Variants in SLX4IP observed in about 807,000 individuals in gnomAD.
SLX4IP encodes the protein protein SLX4IP.
A neutral mutation model predicts 32.9 loss-of-function variants in SLX4IP; 34 were observed. The ratio of observed to expected loss-of-function variants is 1.03; its 90% CI spans 0.79 to 1.38. SLX4IP has a LOEUF of 1.38. Among genes scored for constraint, SLX4IP ranks in the 40% most tolerant of loss-of-function variants. SLX4IP has a pLI of 0.00. For synonymous variants in SLX4IP, 172 were observed against 171.7 expected (o/e 1.00, Z -0.01); for missense variants, 444 against 479.0 (o/e 0.93, Z 0.68).
intron 2 of SLX4IP, among the ~76,000 whole-genome samples, chr20:10,535,186 A>G (rs1485716574): frequency 1.3e-5 from 2 of 152,250 alleles, no homozygotes; most frequent in Non-Finnish European, 2.9e-5. Context: ...GCCTGGAGGC[A>G]TGGAAGGGGT....
intron 4 of SLX4IP, among the ~76,000 whole-genome samples, chr20:10,597,650 C>A (rs1036233172): frequency 6.6e-6 from 1 of 152,122 alleles, no homozygotes; most frequent in Non-Finnish European, 1.5e-5. Flanking sequence ...TGACTATATC[C>A]CCATTAAAAA....
chr20:10,620,959 C>G (rs908319511), intron 6 of SLX4IP, among the ~76,000 whole-genome samples: 9 of 152,316 alleles, frequency 5.9e-5, no homozygotes, highest in Admixed American at 3.3e-4. Context: ...GAACAGAGCT[C>G]ACAGGCACGT....
At chr20:10,464,339 A>G (rs1200564388) in intron 2 of SLX4IP, among the ~76,000 whole-genome samples, 1 of 152,050 alleles carries the variant, frequency 6.6e-6, no homozygotes, top group Non-Finnish European at 1.5e-5. Context: ...TCACTTTGAT[A>G]TGTCGTTTTA....
chr20:10,619,293 T>C lies in SLX4IP; in HGVS notation c.406-2021T>C, dbSNP rs1371530854. ...AGGACATTTCCTCCTGTCACTCTTA[T>C]CACCTTTTCTGTTGTCCTTTTTCTT... On this transcript the variant is annotated intron_variant, in intron 6 of 7. Coordinates refer to ENST00000334534, the MANE Select transcript of SLX4IP (RefSeq NM_001009608.3). Among the ~76,000 whole-genome samples the C allele has an allele frequency of 5.3e-5, 8 of 151,396 alleles. No individual in the cohort carries two copies. The East Asian group carries it at 5.8e-4, about 11-fold the overall frequency.
intron 1 of SLX4IP, among the ~76,000 whole-genome samples, chr20:10,451,263 C>T (rs570517089): frequency 6.6e-6 from 1 of 151,844 alleles, no homozygotes; most frequent in African/African-American, 2.4e-5. Context: ...CAGGTTCAGG[C>T]GATTCTCCTG....
chr20:10,623,575 C>T lies in SLX4IP; in HGVS notation c.*196C>T, dbSNP rs945801868. On this transcript the variant is annotated 3_prime_UTR_variant, in exon 8 of 8. Transcript: ENST00000334534. The stretch of plus-strand genomic sequence containing the variant: ...CCGGGAGGCTATATGCTTGTTCTAA[C>T]AGCGTTGCTTCTTTATCATTGTATT... The T allele has an allele frequency of 1.4e-6, 1 of 721,132 alleles. No homozygotes were observed. Among genetic ancestry groups the T allele is most frequent in the Non-Finnish European group, 2.2e-6 (1 of 458,962 alleles). The allele number at this position is 721,132 out of a possible 1,614,324, so 44.7% of individuals were successfully genotyped here.
At chr20:10,591,657 ATTC>A (rs1462018241) in intron 4 of SLX4IP, among the ~76,000 whole-genome samples, 4 of 152,238 alleles carry the variant, frequency 2.6e-5, no homozygotes, top group African/African-American at 9.6e-5. Flanking sequence ...GTATTATATT[ATTC>A]TTATCATTAT....
chr20:10,495,716 C>G (rs565925568), intron 2 of SLX4IP, among the ~76,000 whole-genome samples: 1 of 152,240 alleles, frequency 6.6e-6, no homozygotes, highest in East Asian at 1.9e-4. Context: ...TGTTAGGTAT[C>G]CATCTTTAGT....
At chr20:10,600,340 G>A (rs982984577) in intron 5 of SLX4IP, among the ~76,000 whole-genome samples, 2 of 152,168 alleles carry the variant, frequency 1.3e-5, no homozygotes, top group Admixed American at 6.5e-5. Flanking sequence ...AGAACAACAG[G>A]TTAATCCCTA....
intron 2 of SLX4IP, among the ~76,000 whole-genome samples, chr20:10,517,093 A>C (rs1376192824): frequency 6.6e-6 from 1 of 152,244 alleles, no homozygotes; most frequent in Non-Finnish European, 1.5e-5. Context: ...AAGCCCTTGC[A>C]TATAAGAAAG....
intron 2 of SLX4IP, among the ~76,000 whole-genome samples, chr20:10,478,887 A>G (rs2065496349): frequency 6.6e-6 from 1 of 152,228 alleles, no homozygotes; most frequent in South Asian, 2.1e-4. Flanking sequence ...CCTTTGGCTT[A>G]CCAAGTGGGA....
chr20:10,601,960 C>A, intron 6 of SLX4IP, 141 bp downstream of exon 6: 1 of 688,232 alleles, frequency 1.5e-6, no homozygotes, highest in Non-Finnish European at 2.5e-6. Flanking sequence ...AGAAGCCCTA[C>A]CTGTTTTACG....
chr20:10,545,887 G>A (rs654626), intron 2 of SLX4IP, among the ~76,000 whole-genome samples: 88,338 of 151,926 alleles, frequency 0.58, 26,195 homozygotes, highest in South Asian at 0.75. Context: ...TATTTACAGG[G>A]GTTTTCTTTG....
intron 1 of SLX4IP, among the ~76,000 whole-genome samples, chr20:10,440,270 C>T (rs892500731): frequency 7.9e-5 from 12 of 151,794 alleles, no homozygotes; most frequent in African/African-American, 2.9e-4. Context: ...GCCTTGCCAA[C>T]ATGGTGAAAC....
intron 1 of SLX4IP, among the ~76,000 whole-genome samples, chr20:10,438,754 G>A (rs919982598): frequency 6.6e-6 from 1 of 151,958 alleles, no homozygotes; most frequent in Non-Finnish European, 1.5e-5. Flanking sequence ...ACAGGAGTGA[G>A]CCACCATGCC....
At chr20:10,603,382 C>T (rs6077846) in intron 6 of SLX4IP, among the ~76,000 whole-genome samples, 4,725 of 152,238 alleles carry the variant, frequency 0.031, 97 homozygotes, top group Middle Eastern at 0.051. Context: ...CATATAAATC[C>T]TATAATCTGG....
At chr20:10,438,558 A>G (rs1600871451) in intron 1 of SLX4IP, among the ~76,000 whole-genome samples, 1 of 148,308 alleles carries the variant, frequency 6.7e-6, no homozygotes, top group Non-Finnish European at 1.5e-5. Flanking sequence ...GCTCACTGCA[A>G]CCTCCGCCTC....
chr20:10,463,415 C>T (rs181322050), intron 2 of SLX4IP, among the ~76,000 whole-genome samples: 38 of 152,114 alleles, frequency 2.5e-4, no homozygotes, highest in Admixed American at 1.4e-3. Flanking sequence ...GGAGAGATAA[C>T]GGATTGAGAG....
chr20:10,563,573 G>T (rs1266764194), intron 4 of SLX4IP, among the ~76,000 whole-genome samples: 1 of 152,054 alleles, frequency 6.6e-6, no homozygotes, highest in Non-Finnish European at 1.5e-5. Context: ...ATTTTGAGTT[G>T]ATTTTTGTAT....
Sources: gnomAD v4.1 joint callset for allele counts (sites outside exome capture counted in the v4.1 genomes callset) on GRCh38, gnomAD v4.1.1 for gene constraint, MANE v1.5 for transcripts, NCBI Gene and HGNC (gene_info 2026-07-23, HGNC 2026-07-21) for gene names.